CNTN4: variants seen among roughly 807,000 people sequenced by gnomAD.
The protein encoded by CNTN4 is contactin 4.
A neutral mutation model predicts 122.5 loss-of-function variants in CNTN4; 77 were observed. The ratio of observed to expected loss-of-function variants is 0.63; its 90% CI spans 0.52 to 0.76. CNTN4 has a LOEUF of 0.76. Ranked by LOEUF, CNTN4 falls within the 30% of genes least tolerant of loss-of-function variation. The pLI is 0.00. For missense variants in CNTN4, 1,256 were observed against 1,259.1 expected, an observed-to-expected ratio of 1.00 and a Z score of 0.04; for synonymous variants, 512 against 447.0, an observed-to-expected ratio of 1.15 and a Z score of -1.83.
intron 17 of CNTN4, among the ~76,000 whole-genome samples, chr3:3,036,720 T>C (rs1477592948): frequency 2.0e-5 from 3 of 150,856 alleles, no homozygotes; most frequent in African/African-American, 7.3e-5. Flanking sequence ...TGAGCCGAGA[T>C]TGTGCCACTG....
At chr3:2,720,468 T>A (rs2149390928) in intron 4 of CNTN4, among the ~76,000 whole-genome samples, 1 of 152,308 alleles carries the variant, frequency 6.6e-6, no homozygotes, top group Non-Finnish European at 1.5e-5. Flanking sequence ...TGAATTTTTA[T>A]GTACCCAACT....
intron 19 of CNTN4, chr3:3,039,621 A>G (rs925879618): frequency 4.0e-6 from 1 of 247,592 alleles, no homozygotes; most frequent in African/African-American, 2.3e-5. Flanking sequence ...TCCCTCTGAG[A>G]GGGAGGATCT....
intron 4 of CNTN4, among the ~76,000 whole-genome samples, chr3:2,604,921 T>C (rs1313607648): frequency 2.6e-5 from 4 of 152,114 alleles, no homozygotes; most frequent in Admixed American, 2.0e-4. Context: ...TTTAAGTAAA[T>C]AGTACAGTAT....
chr3:2,906,058 G>T (rs2094227876), intron 12 of CNTN4, among the ~76,000 whole-genome samples: 1 of 152,156 alleles, frequency 6.6e-6, no homozygotes, highest in Non-Finnish European at 1.5e-5. Flanking sequence ...GAACCTGGAG[G>T]ACATCGTGCT....
At chr3:2,374,851 A>G (rs1240527161) in intron 3 of CNTN4, among the ~76,000 whole-genome samples, 1 of 152,200 alleles carries the variant, frequency 6.6e-6, no homozygotes, top group African/African-American at 2.4e-5. Flanking sequence ...AATGCTAATC[A>G]CGTGTCACTG....
At chr3:2,816,523 A>G (rs1673009590) in intron 6 of CNTN4, among the ~76,000 whole-genome samples, 1 of 151,892 alleles carries the variant, frequency 6.6e-6, no homozygotes, top group African/African-American at 2.4e-5. Context: ...ACAAATGACC[A>G]CTAAAGAACT....
chr3:2,363,452 C>T (rs1267756335), intron 3 of CNTN4, among the ~76,000 whole-genome samples: 1 of 152,174 alleles, frequency 6.6e-6, no homozygotes, highest in African/African-American at 2.4e-5. Context: ...CTTTCTGACT[C>T]CCAAGACTGC....
At chr3:2,335,503 A>G (rs2043914182) in intron 2 of CNTN4, among the ~76,000 whole-genome samples, 1 of 151,916 alleles carries the variant, frequency 6.6e-6, no homozygotes, top group Non-Finnish European at 1.5e-5. Context: ...GGGAGAGACT[A>G]TTAGCCAATC....
At chr3:2,559,998 T>C (rs2078882494) in intron 3 of CNTN4, among the ~76,000 whole-genome samples, 1 of 152,212 alleles carries the variant, frequency 6.6e-6, no homozygotes, top group Non-Finnish European at 1.5e-5. Flanking sequence ...TAGCTATAAA[T>C]ACATAATGGC....
chr3:2,962,247 C>T (rs1390037844), intron 13 of CNTN4, among the ~76,000 whole-genome samples: 1 of 152,172 alleles, frequency 6.6e-6, no homozygotes, highest in South Asian at 2.1e-4. Flanking sequence ...AAATGTTTAT[C>T]CCTAGATAGA....
At chr3:2,168,240 A>T (rs955161270) in intron 2 of CNTN4, among the ~76,000 whole-genome samples, 45 of 152,332 alleles carry the variant, frequency 3.0e-4, no homozygotes, top group African/African-American at 1.0e-3. Context: ...GAAAATTTCA[A>T]ATATTAAATA....
chr3:2,988,895 G>A (rs1177802625), intron 14 of CNTN4: 3 of 238,606 alleles, frequency 1.3e-5, no homozygotes, highest in African/African-American at 6.9e-5. Context: ...TAAGATAGCT[G>A]TCCCATTTAT....
At chr3:2,873,779 C>T (rs1246438696) in intron 8 of CNTN4, among the ~76,000 whole-genome samples, 2 of 152,148 alleles carry the variant, frequency 1.3e-5, no homozygotes, top group Non-Finnish European at 1.5e-5. Flanking sequence ...AGATTGGAGA[C>T]GTGATCTACA....
chr3:2,807,172 C>G (rs1192541922), intron 6 of CNTN4, among the ~76,000 whole-genome samples: 2 of 152,102 alleles, frequency 1.3e-5, no homozygotes, highest in Admixed American at 6.6e-5. Context: ...TTCTTAACTA[C>G]CACAAAGTGC....
intron 2 of CNTN4, among the ~76,000 whole-genome samples, chr3:2,277,805 C>T (rs1457100639): frequency 6.6e-6 from 1 of 152,174 alleles, no homozygotes; most frequent in African/African-American, 2.4e-5. Context: ...TTACTTCCTT[C>T]TTGTTTGGAG....
At chr3:2,324,694 G>A (rs992016684) in intron 2 of CNTN4, among the ~76,000 whole-genome samples, 5 of 152,058 alleles carry the variant, frequency 3.3e-5, no homozygotes, top group Non-Finnish European at 5.9e-5. Context: ...CTTTCCCTAT[G>A]TCCACAGATT....
chr3:2,907,228 G>T (rs989073267), intron 12 of CNTN4, among the ~76,000 whole-genome samples: 1 of 152,168 alleles, frequency 6.6e-6, no homozygotes, highest in African/African-American at 2.4e-5. Flanking sequence ...GAATCATGAG[G>T]ATGCTGAATT....
chr3:2,645,812 A>C (rs1214869936), intron 4 of CNTN4, among the ~76,000 whole-genome samples: 2 of 152,208 alleles, frequency 1.3e-5, no homozygotes, highest in Non-Finnish European at 2.9e-5. Context: ...AATAATATTC[A>C]AAACAAGGAA....
At chr3:2,136,745 C>T (rs551189304) in intron 2 of CNTN4, among the ~76,000 whole-genome samples, 350 of 150,700 alleles carry the variant, frequency 2.3e-3, no homozygotes, top group Middle Eastern at 3.4e-3. Context: ...ATAGGGACAA[C>T]ACAGTTTATG....
Sources: allele counts gnomAD v4.1 joint callset (sites outside exome capture counted in the v4.1 genomes callset), GRCh38; gene constraint gnomAD v4.1.1; transcripts MANE v1.5; gene names NCBI Gene and HGNC (gene_info 2026-07-23, HGNC 2026-07-21).